Variants in UNC13C observed in about 807,000 individuals in gnomAD.
UNC13C encodes the protein unc-13 homolog C, also known as protein unc-13 homolog C.
UNC13C carries 174 observed loss-of-function variants against 245.4 expected under a neutral mutation model. The observed-to-expected ratio is 0.71, with a 90% CI of 0.63 to 0.80. The LOEUF is 0.80. Ranked by LOEUF, UNC13C falls within the 30% of genes least tolerant of loss-of-function variation. UNC13C has a pLI of 0.00. For synonymous variants in UNC13C, 992 were observed against 895.1 expected (o/e 1.11, Z -1.93); for missense variants, 2,829 against 2,602.9 (o/e 1.09, Z -1.89).
At chr15:54,447,259 A>G (rs2141000439) in intron 19 of UNC13C, among the ~76,000 whole-genome samples, 1 of 149,990 alleles carries the variant, frequency 6.7e-6, no homozygotes, top group Non-Finnish European at 1.5e-5. Flanking sequence ...TCTCTCTGCC[A>G]GGCTTTGGTA....
the UNC13C span, among the ~76,000 whole-genome samples, chr15:53,843,519 T>C: frequency 6.6e-6 from 1 of 152,004 alleles, no homozygotes. Flanking sequence ...GGTTTGTGTG[T>C]TTTACTTATT....
intron 2 of UNC13C, among the ~76,000 whole-genome samples, chr15:54,141,319 A>G (rs1224876925): frequency 6.6e-6 from 1 of 152,094 alleles, no homozygotes; most frequent in East Asian, 1.9e-4. Flanking sequence ...TTTGACTTCT[A>G]ATAATTATAT....
chr15:54,368,913 A>G (rs962346905), intron 17 of UNC13C, among the ~76,000 whole-genome samples: 2 of 152,142 alleles, frequency 1.3e-5, no homozygotes, highest in Non-Finnish European at 2.9e-5. Context: ...TCTATTTCAT[A>G]AAGTCCAAAG....
Position 54,237,781 on chromosome 15 carries a change from T to C in UNC13C, c.3228+91T>C, listed in dbSNP as rs540480122. On this transcript the variant is annotated intron_variant, in intron 7 of 32. Transcript: ENST00000260323. The stretch of plus-strand genomic sequence containing the variant: ...TTCTGCTTGAGCTACTCATCTGTGA[T>C]GTTTAGTCCAATGTTCCAGAAATAA... 1.1e-5 allele frequency: 12 copies of C among 1,090,678 alleles called. No individual in the cohort carries two copies. In the African/African-American group the frequency reaches 1.7e-4, roughly 16 times the overall value. 67.6% of individuals were successfully genotyped at this position (1,090,678 alleles called of 1,614,324 possible). A position where few individuals can be genotyped will look rare whatever the true frequency, so the allele number is the denominator to read the frequency against.
At chr15:54,325,043 A>G (rs143990924) in intron 14 of UNC13C, among the ~76,000 whole-genome samples, 131 of 152,030 alleles carry the variant, frequency 8.6e-4, no homozygotes, top group African/African-American at 2.7e-3. Flanking sequence ...TTCTTTTTCT[A>G]TTGTGGCTCA....
intron 4 of UNC13C, among the ~76,000 whole-genome samples, chr15:54,209,461 G>A (rs2034813553): frequency 6.6e-6 from 1 of 151,610 alleles, no homozygotes; most frequent in Admixed American, 6.6e-5. Context: ...ACTCAGGGCT[G>A]GAGTACAGCT....
chr15:54,615,079 T>A (rs1032160918), intron 30 of UNC13C, among the ~76,000 whole-genome samples: 1 of 152,012 alleles, frequency 6.6e-6, no homozygotes, highest in East Asian at 1.9e-4. Flanking sequence ...GTATGTGACC[T>A]GGATTAACCT....
At chr15:53,990,814 G>A (rs1894353844) in intron 1 of UNC13C, among the ~76,000 whole-genome samples, 1 of 152,022 alleles carries the variant, frequency 6.6e-6, no homozygotes, top group African/African-American at 2.4e-5. Context: ...TTCTCTTAAG[G>A]GCCAGAGTCA....
At chr15:54,005,707 TGA>T (rs2140981212) in intron 1 of UNC13C, among the ~76,000 whole-genome samples, 1 of 152,268 alleles carries the variant, frequency 6.6e-6, no homozygotes, top group African/African-American at 2.4e-5. Flanking sequence ...GTGGAAAACA[TGA>T]GTCTCGATTT....
chr15:54,268,765 TA>T, intron 10 of UNC13C, among the ~76,000 whole-genome samples: 2 of 152,126 alleles, frequency 1.3e-5, no homozygotes, highest in South Asian at 4.1e-4. Flanking sequence ...TAGAAATTAG[TA>T]TGATTTCTAG....
chr15:53,996,632 C>G (rs1325370860), intron 1 of UNC13C, among the ~76,000 whole-genome samples: 1 of 152,100 alleles, frequency 6.6e-6, no homozygotes, highest in Admixed American at 6.6e-5. Context: ...AAGTCAATCT[C>G]CACTCTTCAT....
rs531058125 is a variant in UNC13C at position 54,509,880 on chromosome 15, A to G, written c.5380-1873A>G. ...CTCTTAATGAAAAGGGAGAGTCTCA[A>G]ATTTATTTTTGTTTCCCTCCGGATA... On this transcript the variant is annotated intron_variant, in intron 23 of 32. Transcript: ENST00000260323. 3.9e-5 allele frequency among the ~76,000 whole-genome samples: 6 copies of G among 152,232 alleles called. No individual in the cohort carries two copies. The South Asian group carries it at 1.2e-3, about 32-fold the overall frequency.
At chr15:53,944,962 G>T in the UNC13C span, among the ~76,000 whole-genome samples, 2 of 152,072 alleles carry the variant, frequency 1.3e-5, no homozygotes, top group African/African-American at 4.8e-5. Flanking sequence ...CATTCTGATT[G>T]GTGAGAGGTT....
intron 11 of UNC13C, 35 bp from the exon 12 acceptor site, chr15:54,297,776 G>A: frequency 6.9e-7 from 1 of 1,457,162 alleles, no homozygotes; most frequent in Non-Finnish European, 9.5e-7. Context: ...ATTATTGTCA[G>A]ACATGACTGA....
chr15:54,203,396 T>A (rs1372341596), intron 4 of UNC13C, among the ~76,000 whole-genome samples: 1 of 151,012 alleles, frequency 6.6e-6, no homozygotes, highest in African/African-American at 2.4e-5. Context: ...GCAGCACAAT[T>A]TGCAATTGCA....
chr15:54,424,280 A>C (rs2040712658), intron 19 of UNC13C, among the ~76,000 whole-genome samples: 1 of 151,882 alleles, frequency 6.6e-6, no homozygotes, highest in South Asian at 2.1e-4. Context: ...GACTGCTGAT[A>C]CTCAGCCAGT....
chr15:54,108,433 C>T (rs868135364), intron 2 of UNC13C, among the ~76,000 whole-genome samples: 1 of 152,128 alleles, frequency 6.6e-6, no homozygotes, highest in Non-Finnish European at 1.5e-5. Context: ...ATGATCCGCC[C>T]GCTTTGGCCT....
intron 1 of UNC13C, among the ~76,000 whole-genome samples, chr15:53,980,763 G>A (rs1363611626): frequency 6.6e-6 from 1 of 152,144 alleles, no homozygotes; most frequent in African/African-American, 2.4e-5. Flanking sequence ...ATGCCCAGGT[G>A]AAATACGAGG....
intron 19 of UNC13C, among the ~76,000 whole-genome samples, chr15:54,425,385 A>G (rs2040739411): frequency 6.6e-6 from 1 of 151,848 alleles, no homozygotes. Flanking sequence ...TGGTTTGCAA[A>G]TGGGAGAATT....
Sources: allele counts gnomAD v4.1 joint callset (sites outside exome capture counted in the v4.1 genomes callset), GRCh38; gene constraint gnomAD v4.1.1; transcripts MANE v1.5; gene names NCBI Gene and HGNC (gene_info 2026-07-23, HGNC 2026-07-21).